Variants in MCC observed in about 807,000 individuals in gnomAD.
The protein encoded by MCC is MCC regulator of Wnt signaling pathway, also known as colorectal mutant cancer protein.
In MCC, 90 loss-of-function variants were observed where a neutral mutation model predicts 116.2. The ratio of observed to expected loss-of-function variants is 0.77; its 90% CI spans 0.65 to 0.92. The LOEUF (loss-of-function observed/expected upper bound fraction) is 0.92. Among genes scored for constraint, MCC ranks in the 40% least tolerant of loss-of-function variants. The pLI, the probability that MCC is intolerant of heterozygous loss-of-function variation, is 0.00. For missense variants in MCC, 1,516 were observed against 1,312.2 expected, an observed-to-expected ratio of 1.16 and a Z score of -2.40; for synonymous variants, 578 against 510.5, an observed-to-expected ratio of 1.13 and a Z score of -1.78.
chr5:113,418,224 G>T (rs1386315131), intron 1 of MCC, among the ~76,000 whole-genome samples: 4 of 151,000 alleles, frequency 2.6e-5, no homozygotes, highest in Non-Finnish European at 4.4e-5. Flanking sequence ...TTAAATAGGG[G>T]TACACGTTGT....
intron 5 of MCC, among the ~76,000 whole-genome samples, chr5:113,136,241 C>A (rs1291859931): frequency 6.6e-6 from 1 of 152,172 alleles, no homozygotes. Context: ...TAGCTAGCAT[C>A]TCAGCTGGTT....
intron 13 of MCC, among the ~76,000 whole-genome samples, chr5:113,066,703 C>T (rs1297394687): frequency 2.6e-5 from 4 of 152,100 alleles, no homozygotes; most frequent in Non-Finnish European, 5.9e-5. Context: ...GGGGGAGGAG[C>T]GGGGAAGAAG....
intron 5 of MCC, among the ~76,000 whole-genome samples, chr5:113,123,728 C>T (rs538817056): frequency 3.9e-5 from 6 of 152,236 alleles, no homozygotes; most frequent in South Asian, 4.1e-4. Context: ...CAAAATGAAC[C>T]GTCTTTGAAG....
intron 6 of MCC, among the ~76,000 whole-genome samples, chr5:113,111,679 T>C (rs1757107735): frequency 6.6e-6 from 1 of 152,252 alleles, no homozygotes; most frequent in East Asian, 1.9e-4. Flanking sequence ...CTCTTCATTA[T>C]ATCAATTAAC....
rs1193688051 is a variant in MCC, at chr5:113,103,413, T to C, written c.1191+779A>G. ...CCCAAGTTGACATTACAATCAAATATAGGGCCCAGGAGATTCCAGAGAAAG... is the reference window on the plus strand; with the variant it reads ...CCCAAGTTGACATTACAATCAAATACAGGGCCCAGGAGATTCCAGAGAAAG... On this transcript the variant is annotated intron_variant, in intron 7 of 18. Transcript: ENST00000408903. Among the ~76,000 whole-genome samples the C allele has an allele frequency of 5.9e-5, 9 of 152,292 alleles. No homozygotes were observed. The East Asian group carries it at 9.7e-4, about 16-fold the overall frequency.
intron 5 of MCC, among the ~76,000 whole-genome samples, chr5:113,129,366 A>G (rs1212509480): frequency 6.6e-6 from 1 of 152,232 alleles, no homozygotes; most frequent in African/African-American, 2.4e-5. Context: ...TGGATTTTTC[A>G]TTTAAGAAAT....
chr5:113,470,296 G>T (rs1318170269), intron 1 of MCC, among the ~76,000 whole-genome samples: 353 of 152,194 alleles, frequency 2.3e-3, no homozygotes, highest in African/African-American at 8.0e-3. Context: ...TTACAATTTG[G>T]CATGTTTTTG....
At chr5:113,194,202 G>A (rs1762277780) in intron 3 of MCC, among the ~76,000 whole-genome samples, 2 of 152,344 alleles carry the variant, frequency 1.3e-5, no homozygotes, top group Admixed American at 1.3e-4. Context: ...TCTTGGATAT[G>A]TCATAAAGAA....
intron 5 of MCC, among the ~76,000 whole-genome samples, chr5:113,129,140 T>A (rs1010429161): frequency 6.6e-6 from 1 of 151,996 alleles, no homozygotes; most frequent in Non-Finnish European, 1.5e-5. Flanking sequence ...ATCACAGAGA[T>A]AGGAGGGGTC....
intron 2 of MCC, among the ~76,000 whole-genome samples, chr5:113,355,240 A>T (rs1381701758): frequency 6.6e-6 from 1 of 152,218 alleles, no homozygotes; most frequent in Non-Finnish European, 1.5e-5. Context: ...AAGGGCACCA[A>T]CAAGGACCTT....
At chr5:113,119,592 G>A (rs774839309) in intron 6 of MCC, among the ~76,000 whole-genome samples, 1 of 152,230 alleles carries the variant, frequency 6.6e-6, no homozygotes, top group Non-Finnish European at 1.5e-5. Flanking sequence ...GAAGCTAGAA[G>A]TCACTCTAGG....
chr5:113,158,361 A>G (rs181385761), intron 3 of MCC, among the ~76,000 whole-genome samples: 7 of 152,346 alleles, frequency 4.6e-5, no homozygotes, highest in African/African-American at 1.7e-4. Context: ...TCATTAAAGG[A>G]CACTTAATTT....
intron 3 of MCC, among the ~76,000 whole-genome samples, chr5:113,222,668 A>C (rs189420630): frequency 6.6e-6 from 1 of 152,366 alleles, no homozygotes; most frequent in East Asian, 1.9e-4. Flanking sequence ...GGGAGAAACG[A>C]AGAGAATATT....
chr5:113,294,840 T>C (rs769595632), intron 3 of MCC: 1 of 985,890 alleles, frequency 1.0e-6, no homozygotes, highest in Non-Finnish European at 1.2e-6. Context: ...GCGAGGAAGA[T>C]CCGCGCCTCG....
chr5:113,411,615 T>A (rs1276217629), intron 1 of MCC, among the ~76,000 whole-genome samples: 2 of 152,034 alleles, frequency 1.3e-5, no homozygotes, highest in African/African-American at 4.8e-5. Context: ...TCACCCACAA[T>A]CTATAATCAG....
At chr5:113,202,303 A>G (rs1034003959) in intron 3 of MCC, among the ~76,000 whole-genome samples, 2 of 152,148 alleles carry the variant, frequency 1.3e-5, no homozygotes, top group Admixed American at 6.5e-5. Flanking sequence ...CTTCTATAGG[A>G]AATGACTTTT....
At chr5:113,176,061 T>G (rs1251822139) in intron 3 of MCC, among the ~76,000 whole-genome samples, 1 of 152,238 alleles carries the variant, frequency 6.6e-6, no homozygotes, top group Non-Finnish European at 1.5e-5. Flanking sequence ...AGAAAAATGT[T>G]AAGTTTAAGT....
intron 3 of MCC, among the ~76,000 whole-genome samples, chr5:113,240,219 G>A (rs965956260): frequency 4.6e-5 from 7 of 152,096 alleles, no homozygotes; most frequent in South Asian, 2.1e-4. Context: ...TAGTTGGCCC[G>A]GTGTTGAAAA....
At chr5:113,162,687 TG>T (rs1760556630) in intron 3 of MCC, among the ~76,000 whole-genome samples, 1 of 152,054 alleles carries the variant, frequency 6.6e-6, no homozygotes, top group South Asian at 2.1e-4. Context: ...GTTGTAGAGA[TG>T]GGGTATCACC....
Sources: allele counts gnomAD v4.1 joint callset (sites outside exome capture counted in the v4.1 genomes callset), GRCh38; gene constraint gnomAD v4.1.1; transcripts MANE v1.5; gene names NCBI Gene and HGNC (gene_info 2026-07-23, HGNC 2026-07-21).